KIF21A: variants seen among roughly 807,000 people sequenced by gnomAD.
KIF21A encodes the protein kinesin family member 21A, also known as kinesin-like protein KIF21A.
A neutral mutation model predicts 202.9 loss-of-function variants in KIF21A; 114 were observed. That is an observed-to-expected ratio of 0.56 (90% confidence interval 0.48 to 0.66). KIF21A has a LOEUF of 0.66. Among genes scored for constraint, KIF21A ranks in the 30% least tolerant of loss-of-function variants. KIF21A has a pLI of 0.00. For synonymous variants in KIF21A, 667 were observed against 670.8 expected (o/e 0.99, Z 0.09); for missense variants, 1,677 against 1,994.9 (o/e 0.84, Z 3.04).
chr12:39,381,731 A>G (rs549177898), intron 1 of KIF21A, among the ~76,000 whole-genome samples: 1 of 152,336 alleles, frequency 6.6e-6, no homozygotes, highest in East Asian at 1.9e-4. Flanking sequence ...ATCCACACTC[A>G]CAATTCCTGC....
In KIF21A at chr12:39,356,813, T is replaced by C; in HGVS notation, c.1469+19A>G. 9.6e-7 allele frequency: 1 copy of C among 1,038,066 alleles called. No individual in the cohort carries two copies. Among genetic ancestry groups the C allele is most frequent in the South Asian group, 1.3e-5 (1 of 77,930 alleles). 64.3% of individuals were successfully genotyped at this position (1,038,066 alleles called of 1,614,324 possible). A position where few individuals can be genotyped will look rare whatever the true frequency, so the allele number is the denominator to read the frequency against. Reference sequence around the variant, plus strand: ...CAAAACAAACATGTGCATTATATGTTACAGAACATGAACTATACCTGAGAT... The same window carrying C: ...CAAAACAAACATGTGCATTATATGTCACAGAACATGAACTATACCTGAGAT... On this transcript the variant is annotated intron_variant, in intron 10 of 37. Transcript: ENST00000361418.
At chr12:39,429,526 C>G in intron 1 of KIF21A, among the ~76,000 whole-genome samples, 1 of 152,290 alleles carries the variant, frequency 6.6e-6, no homozygotes, top group South Asian at 2.1e-4. Context: ...GAAAGAATCT[C>G]TGTTAAAGAA....
At chr12:39,317,597 T>C (rs1054082525) in intron 29 of KIF21A, among the ~76,000 whole-genome samples, 1 of 152,192 alleles carries the variant, frequency 6.6e-6, no homozygotes, top group Non-Finnish European at 1.5e-5. Context: ...ATTGAAATTT[T>C]GTGGTGAACT....
At chr12:39,371,782 T>C (rs995824888) in intron 1 of KIF21A, among the ~76,000 whole-genome samples, 2 of 151,730 alleles carry the variant, frequency 1.3e-5, no homozygotes, top group African/African-American at 2.4e-5. Context: ...ATAGAAAAAT[T>C]AGCCCAACAT....
chr12:39,362,927 G>A (rs1264311206), intron 7 of KIF21A, among the ~76,000 whole-genome samples, 171 bp downstream of exon 7: 3 of 152,160 alleles, frequency 2.0e-5, no homozygotes, highest in African/African-American at 7.2e-5. Flanking sequence ...AGGATTATGT[G>A]AAATAACATA....
chr12:39,386,344 G>A (rs1013848781), intron 1 of KIF21A, among the ~76,000 whole-genome samples: 5 of 152,132 alleles, frequency 3.3e-5, no homozygotes. Context: ...GAATCAATAA[G>A]ATAGAAAGAT....
In KIF21A at chr12:39,436,448, A is replaced by ATATATATATATATAT. The variant is rs1387332677; in HGVS notation, c.44+6478_44+6479insATATATATATATATA. On this transcript the variant is annotated intron_variant, in intron 1 of 37. Transcript: ENST00000361418. ...TATATATATATATATATATATATAT[A>ATATATATATATATAT]TTTTTTTTTTTTTTAGACAGGGTTT... is the stretch of plus-strand genomic sequence containing the variant. Among the ~76,000 whole-genome samples the ATATATATATATATAT allele has an allele frequency of 1.3e-3, 128 of 95,728 alleles. 1 individual carries two copies. The highest frequency in any genetic ancestry group is 6.3e-3 in the African/African-American group (124 of 19,728). The allele number at this position is 95,728 out of a possible 152,430, so 62.8% of individuals were successfully genotyped here. A position where few individuals can be genotyped will look rare whatever the true frequency, so the allele number is the denominator to read the frequency against.
intron 1 of KIF21A, among the ~76,000 whole-genome samples, chr12:39,416,605 A>ATATATATATATGTACATATATATGTG: frequency 8.5e-6 from 1 of 117,438 alleles, no homozygotes; most frequent in Non-Finnish European, 1.8e-5. Flanking sequence ...AAATATACAT[A>ATATATATATATGTACATATATATGTG]TATATATATA....
rs151073943 is a variant in KIF21A, at chr12:39,319,440, G to A, written c.3779+466C>T. 1.5e-3 allele frequency among the ~76,000 whole-genome samples: 226 copies of A among 152,126 alleles called. 6 individuals carry two copies. The East Asian group carries it at 0.038, about 26-fold the overall frequency. ...GATAATACCAACAATGTAAACATGA[G>A]AGAGCAACAAGAAAATGGCACAATA... On this transcript the variant is annotated intron_variant, in intron 28 of 37. Transcript: ENST00000361418.
Position 39,366,967 on chromosome 12 carries a change from G to T in KIF21A, c.735+63C>A. ...AATTTGGCTCAAATATATTCTCAGA[G>T]AATTCATGTGGTTTTAGGGAGATAA... On this transcript the variant is annotated intron_variant, in intron 5 of 37. Coordinates refer to ENST00000361418, the MANE Select transcript of KIF21A (RefSeq NM_001173464.2). 4 of 1,437,180 alleles carry T rather than the reference G, an allele frequency of 2.8e-6. No homozygotes were observed. In the South Asian group the frequency reaches 3.4e-5, roughly 12 times the overall value. The allele number at this position is 1,437,180 out of a possible 1,614,324, so 89.0% of individuals were successfully genotyped here. A position where few individuals can be genotyped will look rare whatever the true frequency, so the allele number is the denominator to read the frequency against.
At chr12:39,320,932 CAAAAAAAAAAAAAAAA>C (rs59613512) in intron 27 of KIF21A, among the ~76,000 whole-genome samples, 1 of 16,122 alleles carries the variant, frequency 6.2e-5, no homozygotes, top group Non-Finnish European at 1.3e-4. Flanking sequence ...AAGACTCTGC[CAAAAAAAAAAAAAAAA>C]AAAAAAAAAA....
rs201113357 is a variant in KIF21A, at chr12:39,340,155, T to A, written c.2310+10A>T. The A allele has an allele frequency of 8.7e-6, 14 of 1,604,056 alleles. No individual in the cohort carries two copies. In the South Asian group the frequency reaches 1.4e-4, roughly 16 times the overall value. On this transcript the variant is annotated intron_variant, in intron 16 of 37. Coordinates refer to ENST00000361418, the MANE Select transcript of KIF21A (RefSeq NM_001173464.2). ...AACATCAAACGTTAATGGAAAAAAATAATCAATACCTTTGTTTTTTTCATT... is the reference window on the plus strand; with the variant it reads ...AACATCAAACGTTAATGGAAAAAAAAAATCAATACCTTTGTTTTTTTCATT...
chr12:39,313,115 C>T (rs1223237086), intron 31 of KIF21A, among the ~76,000 whole-genome samples: 1 of 151,740 alleles, frequency 6.6e-6, no homozygotes, highest in East Asian at 1.9e-4. Flanking sequence ...TCAATAAATT[C>T]AAGTATTTCT....
At chr12:39,340,770 A>T (rs1431893387) in intron 15 of KIF21A, 136 bp downstream of exon 15, 1 of 675,550 alleles carries the variant, frequency 1.5e-6, no homozygotes, top group Non-Finnish European at 2.5e-6. Flanking sequence ...ACAAACTTTG[A>T]CTTGCAAAAA....
chr12:39,440,662 C>T (rs996417085), intron 1 of KIF21A, among the ~76,000 whole-genome samples: 3 of 152,090 alleles, frequency 2.0e-5, no homozygotes, highest in Non-Finnish European at 4.4e-5. Context: ...TGAGTATAAG[C>T]TATTTTTATC....
At chr12:39,298,251 A>G (rs534799462) in intron 37 of KIF21A, among the ~76,000 whole-genome samples, 1 of 152,336 alleles carries the variant, frequency 6.6e-6, no homozygotes. Context: ...ACTTAGCTGA[A>G]GAGACAAAAC....
chr12:39,320,186 T>C (rs1592124706), intron 27 of KIF21A, among the ~76,000 whole-genome samples, 173 bp from the exon 28 acceptor site: 1 of 152,188 alleles, frequency 6.6e-6, no homozygotes, highest in South Asian at 2.1e-4. Context: ...TTATATTTAG[T>C]TGATGGAAGC....
chr12:39,372,216 C>A (rs980948242), intron 1 of KIF21A, among the ~76,000 whole-genome samples: 2 of 152,142 alleles, frequency 1.3e-5, no homozygotes, highest in African/African-American at 4.8e-5. Flanking sequence ...TTTCTGCAAA[C>A]CTGGTTTTCT....
intron 1 of KIF21A, among the ~76,000 whole-genome samples, chr12:39,400,637 A>G (rs1952100549): frequency 6.6e-6 from 1 of 152,162 alleles, no homozygotes; most frequent in Admixed American, 6.5e-5. Flanking sequence ...ACCATAGAAT[A>G]CTATGCAGCC....
Sources: gnomAD v4.1 joint callset for allele counts (sites outside exome capture counted in the v4.1 genomes callset) on GRCh38, gnomAD v4.1.1 for gene constraint, MANE v1.5 for transcripts, NCBI Gene and HGNC (gene_info 2026-07-23, HGNC 2026-07-21) for gene names.